Variants in RGSL1 observed in about 807,000 individuals in gnomAD.
RGSL1 encodes the protein regulator of G protein signaling like 1.
A neutral mutation model predicts 124.7 loss-of-function variants in RGSL1; 97 were observed. The ratio of observed to expected loss-of-function variants is 0.78; its 90% confidence interval spans 0.66 to 0.92. RGSL1 has a LOEUF of 0.92. Ranked by LOEUF, RGSL1 falls within the 40% of genes least tolerant of loss-of-function variation. The probability of loss-of-function intolerance (pLI) is 0.00; values close to 1 mark genes in which losing one functional copy is unlikely to be tolerated. For missense variants in RGSL1, 1,233 were observed against 1,288.4 expected, an observed-to-expected ratio of 0.96 and a Z score of 0.66; for synonymous variants, 424 against 438.1, an observed-to-expected ratio of 0.97 and a Z score of 0.40.
At chr1:182,531,047 C>A in intron 13 of RGSL1, 137 bp downstream of exon 13, 1 of 1,018,902 alleles carries the variant, frequency 9.8e-7, no homozygotes. Context: ...TTAAGCAAGT[C>A]CCTCTCTTCT....
At chr1:182,508,360 G>A (rs1657005555) in intron 9 of RGSL1, among the ~76,000 whole-genome samples, 1 of 145,164 alleles carries the variant, frequency 6.9e-6, no homozygotes, top group African/African-American at 2.6e-5. Context: ...AGTGCAATGG[G>A]GTGATTTCGG....
chr1:182,515,758 C>G (rs978698222), intron 9 of RGSL1, among the ~76,000 whole-genome samples: 2 of 152,150 alleles, frequency 1.3e-5, no homozygotes, highest in African/African-American at 4.8e-5. Context: ...TTCCCACCCG[C>G]ACCGTGGCCA....
chr1:182,473,996 G>A lies in RGSL1; in HGVS notation c.885G>A (p.Leu295=). The A allele has an allele frequency of 6.4e-7, 1 of 1,551,858 alleles. No individual in the cohort carries two copies. Among genetic ancestry groups the A allele is most frequent in the African/African-American group, 1.4e-5 (1 of 73,168 alleles). The part of the protein sequence containing the change: ...QEKVVIQMPS[L]KMASSKETRI... ...AGGTGGTTATACAAATGCCTTCCCT[G>A]AAAATGGCTTCTTCAAAGGAAACAA... The change falls in exon 6 of 22, where the codon CTG becomes CTA. Residue 295 remains leucine (L), a synonymous_variant. Coordinates refer to ENST00000294854, the MANE Select transcript of RGSL1 (RefSeq NM_001137669.2).
At chr1:182,463,384 A>G (rs1487670512) in intron 4 of RGSL1, among the ~76,000 whole-genome samples, 1 of 152,202 alleles carries the variant, frequency 6.6e-6, no homozygotes, top group East Asian at 1.9e-4. Context: ...TAAATTTTAA[A>G]GCAAGATCCA....
intron 17 of RGSL1, 88 bp downstream of exon 17, chr1:182,548,912 T>C: frequency 6.8e-7 from 1 of 1,467,418 alleles, no homozygotes; most frequent in Non-Finnish European, 9.1e-7. Flanking sequence ...TAGCACTCTG[T>C]TTCGTAGTTT....
chr1:182,512,898 C>T (rs1351781917), intron 9 of RGSL1, among the ~76,000 whole-genome samples: 1 of 152,174 alleles, frequency 6.6e-6, no homozygotes, highest in African/African-American at 2.4e-5. Flanking sequence ...TGTTCTGATG[C>T]TCCTTCTCTC....
At chr1:182,471,356 C>T (rs1192418757) in intron 4 of RGSL1, 6 of 457,302 alleles carry the variant, frequency 1.3e-5, no homozygotes, top group Non-Finnish European at 2.6e-5. Flanking sequence ...AGGGATGTGG[C>T]GCTTCTATTC....
chr1:182,492,972 C>A (rs1655644877), intron 8 of RGSL1, 50 bp from the exon 9 acceptor site: 1 of 1,271,262 alleles, frequency 7.9e-7, no homozygotes, highest in African/African-American at 1.5e-5. Context: ...AATCTTTGAA[C>A]CCAGACTTTG....
At chr1:182,457,823 T>A (rs1163999011) in intron 2 of RGSL1, among the ~76,000 whole-genome samples, 1 of 152,196 alleles carries the variant, frequency 6.6e-6, no homozygotes, top group Non-Finnish European at 1.5e-5. Context: ...AGAATTACAT[T>A]ATCAATTTTG....
chr1:182,454,746 CCTAT>C (rs556162820), intron 2 of RGSL1, among the ~76,000 whole-genome samples: 289 of 152,240 alleles, frequency 1.9e-3, no homozygotes, highest in Non-Finnish European at 3.3e-3. Flanking sequence ...CTGGAACAAA[CCTAT>C]CTATTTCCTT....
chr1:182,471,267 G>A (rs1465525429), intron 4 of RGSL1: 1 of 457,340 alleles, frequency 2.2e-6, no homozygotes, highest in African/African-American at 2.0e-5. Flanking sequence ...TCTTATGGTG[G>A]AATTTTCCTG....
chr1:182,464,629 C>A (rs1203073983), intron 4 of RGSL1, among the ~76,000 whole-genome samples: 1 of 151,000 alleles, frequency 6.6e-6, no homozygotes, highest in South Asian at 2.1e-4. Context: ...GAGGCTGAGG[C>A]AGGAGAATCA....
At chr1:182,455,568 C>T (rs542382806) in intron 2 of RGSL1, among the ~76,000 whole-genome samples, 3 of 148,540 alleles carry the variant, frequency 2.0e-5, no homozygotes, top group Non-Finnish European at 3.0e-5. Context: ...AGTGACAGAG[C>T]GAGACTCCAC....
intron 20 of RGSL1, chr1:182,555,754 C>T (rs56058340): frequency 0.019 from 8,560 of 446,794 alleles, 593 homozygotes; most frequent in African/African-American, 0.15. Context: ...TGAAGCTGCC[C>T]AGGAATTATT....
rs772098530 is a variant in RGSL1, at chr1:182,551,109, C to G, written c.2943C>G (p.Phe981Leu). 4 of 1,551,568 alleles carry G rather than the reference C, an allele frequency of 2.6e-6. No homozygotes were observed. In the South Asian group the frequency reaches 4.8e-5, roughly 18 times the overall value. ...VVMYFWKRFC[F>L]WKATRSYLQY... ...GCCATTCTTCCCACAGGTTTTGTTT[C>G]TGGAAGGCAACCCGCTCTTACTTAC... Residue 981 changes from phenylalanine (F) to leucine (L), a missense_variant, in exon 18 of 22, where the codon TTC (phenylalanine) becomes TTG (leucine). Physicochemically the swap from Phe to Leu is conservative, Grantham distance 22. Transcript: ENST00000294854.
At chr1:182,451,437 T>C (rs1004858068) in intron 1 of RGSL1, among the ~76,000 whole-genome samples, 1 of 152,200 alleles carries the variant, frequency 6.6e-6, no homozygotes, top group Non-Finnish European at 1.5e-5. Flanking sequence ...CAAGATTATA[T>C]GTAAACCAGT....
chr1:182,496,032 G>T (rs572241167), intron 9 of RGSL1, among the ~76,000 whole-genome samples: 1 of 152,166 alleles, frequency 6.6e-6, no homozygotes, highest in East Asian at 1.9e-4. Flanking sequence ...ATAAAGAAAA[G>T]ATATTTAATT....
Position 182,544,415 on chromosome 1 carries a change from G to A in RGSL1, c.2670-3902G>A, listed in dbSNP as rs145861011. On this transcript the variant is annotated intron_variant, in intron 15 of 21. Transcript: ENST00000294854. ...GAAATTTGTTGAGACTTGTTTTGTG[G>A]TCTGTTTTGAAGAATGTTCCATGTG... is the stretch of plus-strand genomic sequence containing the variant. 3.5e-4 allele frequency among the ~76,000 whole-genome samples: 53 copies of A among 151,936 alleles called. 2 individuals are homozygous for A. The highest frequency in any genetic ancestry group is 1.2e-3 in the African/African-American group (49 of 41,504).
chr1:182,474,034 T>C lies in RGSL1; in HGVS notation c.923T>C (p.Leu308Pro). The C allele has an allele frequency of 6.4e-7, 1 of 1,551,762 alleles. No individual in the cohort carries two copies. Among genetic ancestry groups the C allele is most frequent in the Non-Finnish European group, 8.7e-7 (1 of 1,146,994 alleles). The part of the protein sequence containing the change: ...ASSKETRISS[L>P]EKDMHYAKIS... Reference sequence around the variant, plus strand: ...TCAAAGGAAACAAGAATCAGTTCCCTGGAAAAGGATATGCATTATGCAAAA... The same window carrying C: ...TCAAAGGAAACAAGAATCAGTTCCCCGGAAAAGGATATGCATTATGCAAAA... Residue 308 changes from leucine (L) to proline (P), a missense_variant, in exon 6 of 22, where the codon CTG becomes CCG. Transcript: ENST00000294854.
Sources: allele counts gnomAD v4.1 joint callset (sites outside exome capture counted in the v4.1 genomes callset), GRCh38; gene constraint gnomAD v4.1.1; transcripts MANE v1.5; gene names NCBI Gene and HGNC (gene_info 2026-07-23, HGNC 2026-07-21).